Variants in ATP10A observed in about 807,000 individuals in gnomAD.
The protein encoded by ATP10A is ATPase phospholipid transporting 10A (putative).
ATP10A carries 111 observed loss-of-function variants against 147.8 expected under a neutral mutation model. The observed-to-expected ratio is 0.75, with a 90% confidence interval of 0.64 to 0.88. ATP10A has a LOEUF of 0.88. Ranked by LOEUF, ATP10A falls within the 40% of genes least tolerant of loss-of-function variation. ATP10A has a pLI of 0.00. For missense variants in ATP10A, 1,927 were observed against 1,959.0 expected (o/e 0.98, Z 0.31); for synonymous variants, 875 against 841.6 (o/e 1.04, Z -0.69).
At chr15:25,685,698 C>CCTA in intron 16 of ATP10A, among the ~76,000 whole-genome samples, 1 of 152,020 alleles carries the variant, frequency 6.6e-6, no homozygotes, top group Admixed American at 6.6e-5. Flanking sequence ...GGCATGGTGG[C>CCTA]CTGTAGTCCC....
At chr15:25,677,611 A>G (rs759942817), downstream of ATP10A, 1 of 152,204 alleles carries the variant, frequency 6.6e-6, no homozygotes, top group Non-Finnish European at 1.5e-5. Flanking sequence ...TCCAAAGGAG[A>G]TTCTTTTCCT....
chr15:25,692,510 A>C (rs1167691813), intron 14 of ATP10A, among the ~76,000 whole-genome samples: 4 of 152,190 alleles, frequency 2.6e-5, no homozygotes, highest in South Asian at 2.1e-4. Flanking sequence ...AAATGAGAAA[A>C]GGTGCAGATA....
intron 1 of ATP10A, among the ~76,000 whole-genome samples, chr15:25,786,791 A>AG: frequency 1.2e-5 from 1 of 85,748 alleles, no homozygotes; most frequent in Non-Finnish European, 2.6e-5. Context: ...ATGCCCAGCT[A>AG]GTTTTTTTTT....
chr15:25,835,256 G>A (rs1299589014), intron 1 of ATP10A, among the ~76,000 whole-genome samples: 1 of 152,138 alleles, frequency 6.6e-6, no homozygotes, highest in African/African-American at 2.4e-5. Flanking sequence ...GAGCAATAGA[G>A]TGAGACCTTA....
intron 2 of ATP10A, among the ~76,000 whole-genome samples, chr15:25,755,098 A>G (rs747431759): frequency 2.6e-5 from 4 of 152,202 alleles, no homozygotes; most frequent in Non-Finnish European, 5.9e-5. Context: ...TTCCCTTGAA[A>G]TAGCAGTTAA....
chr15:25,831,743 A>G (rs952663629), intron 1 of ATP10A, among the ~76,000 whole-genome samples: 20 of 152,176 alleles, frequency 1.3e-4, no homozygotes, highest in African/African-American at 4.8e-4. Flanking sequence ...GCATTGTCAT[A>G]TATTTCCAAA....
rs566453685 is a variant in ATP10A at position 25,827,179 on chromosome 15, C to G, written c.449+35469G>C. The stretch of plus-strand genomic sequence containing the variant: ...AATTCTATATTCAGCAAAAACTACA[C>G]AAAATACATAGGTGAAATTGGACAT... On this transcript the variant is annotated intron_variant, in intron 1 of 20. Transcript: ENST00000555815. 1.6e-3 allele frequency among the ~76,000 whole-genome samples: 241 copies of G among 152,232 alleles called. 1 individual carries two copies. The highest frequency in any genetic ancestry group is 5.5e-3 in the African/African-American group (228 of 41,524).
chr15:25,785,582 C>T (rs1257111786), intron 1 of ATP10A, among the ~76,000 whole-genome samples: 1 of 152,218 alleles, frequency 6.6e-6, no homozygotes, highest in Non-Finnish European at 1.5e-5. Context: ...GAAGGGCAGG[C>T]AGAAGCAGTG....
At chr15:25,696,728 T>C (rs915160230) in intron 13 of ATP10A, among the ~76,000 whole-genome samples, 1 of 152,234 alleles carries the variant, frequency 6.6e-6, no homozygotes, top group Non-Finnish European at 1.5e-5. Flanking sequence ...CTCCAGGAGA[T>C]ACCTTCTAGC....
chr15:25,826,287 C>T (rs1438086703), intron 1 of ATP10A, among the ~76,000 whole-genome samples: 2 of 152,086 alleles, frequency 1.3e-5, no homozygotes, highest in Non-Finnish European at 2.9e-5. Context: ...GGGTTGGGTA[C>T]GGTGGCTCAT....
Position 25,679,847 on chromosome 15 carries a change from T to A in ATP10A, c.3994A>T (p.Lys1332Ter). Reference protein sequence around the residue: ...KETFAQGRLPKDSGTEHSSGR... With the variant: ...KETFAQGRLP ...GATGAGTGCTCGGTTCCCGAGTCCT[T>A]CGGGAGGCGTCCCTGAGCAAAGGTC... The change falls in exon 21 of 21, where the codon AAG (lysine) becomes TAG (stop). Residue 1332 changes from lysine (K) to a stop codon, truncating the protein, a stop_gained. Transcript: ENST00000555815. LOFTEE classifies it high-confidence loss of function. 1 of 1,610,814 alleles carries A rather than the reference T, an allele frequency of 6.2e-7. No homozygotes were observed. Among genetic ancestry groups the A allele is most frequent in the Non-Finnish European group, 8.5e-7 (1 of 1,179,938 alleles).
rs1194651576 is a variant in ATP10A, at chr15:25,705,507, AG to A, written c.2575+2468del. On this transcript the variant is annotated intron_variant, in intron 12 of 20. Coordinates refer to ENST00000555815, the MANE Select transcript of ATP10A (RefSeq NM_024490.4). ...TCATGAAAAGATTTGGCTTTGGAATAGTAAAAATATAAGTGGCTGGCTTCAC... is the reference window on the plus strand; with the variant it reads ...TCATGAAAAGATTTGGCTTTGGAATATAAAAATATAAGTGGCTGGCTTCAC... Among the ~76,000 whole-genome samples the A allele has an allele frequency of 4.0e-5, 6 of 151,254 alleles. No homozygotes were observed. The East Asian group carries it at 9.7e-4, about 24-fold the overall frequency.
intron 2 of ATP10A, among the ~76,000 whole-genome samples, chr15:25,743,408 G>C (rs1330336930): frequency 6.6e-6 from 1 of 152,234 alleles, no homozygotes; most frequent in East Asian, 1.9e-4. Context: ...ATGCTGGACA[G>C]AAAACTGAAG....
intron 14 of ATP10A, among the ~76,000 whole-genome samples, chr15:25,692,944 G>A (rs1050220711): frequency 6.6e-6 from 1 of 151,988 alleles, no homozygotes; most frequent in African/African-American, 2.4e-5. Context: ...AGGACTACAG[G>A]TACATGCCAC....
intron 9 of ATP10A, 107 bp downstream of exon 9, chr15:25,716,623 A>G (rs1364131635): frequency 2.7e-6 from 3 of 1,129,610 alleles, no homozygotes; most frequent in Non-Finnish European, 3.8e-6. Flanking sequence ...ATGTGCCAAG[A>G]GCGCTTGCTG....
chr15:25,746,600 T>C (rs907109553), intron 2 of ATP10A, among the ~76,000 whole-genome samples: 7 of 152,196 alleles, frequency 4.6e-5, no homozygotes, highest in African/African-American at 1.7e-4. Context: ...TAAGCAAGTA[T>C]CAATCAATTT....
chr15:25,852,645 G>A (rs187599316), intron 1 of ATP10A, among the ~76,000 whole-genome samples: 1 of 152,252 alleles, frequency 6.6e-6, no homozygotes, highest in East Asian at 1.9e-4. Flanking sequence ...CATATTGTGG[G>A]AAGAAAAACT....
intron 1 of ATP10A, among the ~76,000 whole-genome samples, chr15:25,810,501 C>A (rs1032397517): frequency 2.0e-5 from 3 of 152,180 alleles, no homozygotes; most frequent in African/African-American, 7.2e-5. Context: ...AGCAGTGCCA[C>A]TGGGACTCTG....
At chr15:25,811,040 C>CT in intron 1 of ATP10A, among the ~76,000 whole-genome samples, 1 of 152,214 alleles carries the variant, frequency 6.6e-6, no homozygotes, top group East Asian at 1.9e-4. Context: ...CCCAGATGAC[C>CT]TTAAGGGCAG....
Sources: allele counts gnomAD v4.1 joint callset (sites outside exome capture counted in the v4.1 genomes callset), GRCh38; gene constraint gnomAD v4.1.1; transcripts MANE v1.5; gene names NCBI Gene and HGNC (gene_info 2026-07-23, HGNC 2026-07-21).